SLC16A9: variants seen among roughly 807,000 people sequenced by gnomAD.
The protein encoded by SLC16A9 is solute carrier family 16 member 9, also known as monocarboxylate transporter 9.
A neutral mutation model predicts 44.3 loss-of-function variants in SLC16A9; 26 were observed. That is an observed-to-expected ratio of 0.59 (90% confidence interval 0.43 to 0.81). SLC16A9 has a LOEUF of 0.81. SLC16A9 is among the 40% of genes least tolerant of loss of function. The pLI, the probability that SLC16A9 is intolerant of heterozygous loss-of-function variation, is 0.00. For missense variants in SLC16A9, 559 were observed against 595.8 expected, an observed-to-expected ratio of 0.94 and a Z score of 0.64; for synonymous variants, 230 against 225.1, an observed-to-expected ratio of 1.02 and a Z score of -0.19.
intron 1 of SLC16A9, among the ~76,000 whole-genome samples, chr10:59,687,011 G>A (rs1840149795): frequency 6.6e-6 from 1 of 152,168 alleles, no homozygotes; most frequent in South Asian, 2.1e-4. Flanking sequence ...AGGTTCAAGC[G>A]ATTCTCCTGC....
intron 1 of SLC16A9, among the ~76,000 whole-genome samples, chr10:59,702,969 C>T (rs1445350967): frequency 6.6e-6 from 1 of 152,184 alleles, no homozygotes; most frequent in East Asian, 1.9e-4. Context: ...ATAAATACCC[C>T]TCATCCAAGT....
chr10:59,700,782 G>A (rs1840505264), intron 1 of SLC16A9, among the ~76,000 whole-genome samples: 1 of 152,218 alleles, frequency 6.6e-6, no homozygotes, highest in East Asian at 1.9e-4. Flanking sequence ...ACAATAAAAA[G>A]TGTTTCACTA....
intron 1 of SLC16A9, among the ~76,000 whole-genome samples, chr10:59,691,282 CAG>C (rs1370096282): frequency 1.3e-5 from 2 of 152,066 alleles, no homozygotes; most frequent in African/African-American, 4.8e-5. Flanking sequence ...CTCCTTCAAC[CAG>C]AGTGTTAACA....
intron 1 of SLC16A9, among the ~76,000 whole-genome samples, chr10:59,699,917 C>CAA (rs1840484936): frequency 6.6e-6 from 1 of 151,614 alleles, no homozygotes; most frequent in Non-Finnish European, 1.5e-5. Context: ...CACACACACA[C>CAA]ACACACACAC....
chr10:59,688,677 G>A (rs1840186469), intron 1 of SLC16A9, among the ~76,000 whole-genome samples: 1 of 151,358 alleles, frequency 6.6e-6, no homozygotes, highest in Non-Finnish European at 1.5e-5. Flanking sequence ...AGAAAATATT[G>A]TCTGAACTCC....
rs751166706 is a variant in SLC16A9 at position 59,672,778 on chromosome 10, A to C, written c.332T>G (p.Ile111Ser). Residue 111 changes from isoleucine to serine, a missense_variant, in exon 3 of 6, where the codon ATT (isoleucine) becomes AGT (serine). By Grantham distance (142) the Ile-to-Ser change is moderately radical. Transcript: ENST00000395348. ...NIYFLFFSYG[I>S]VVGLGCGLLY... ...GTGACGAGGTTCCTTACCTACAACA[A>C]TGCCATAGGAAAAAAACAGAAAGTA... The C allele has an allele frequency of 1.9e-6, 3 of 1,613,040 alleles. No homozygotes were observed. Among genetic ancestry groups the C allele is most frequent in the Non-Finnish European group, 2.5e-6 (3 of 1,179,638 alleles).
rs180946385 is a variant in SLC16A9, at chr10:59,660,519, A to G, written c.436+3708T>C. On this transcript the variant is annotated intron_variant, in intron 4 of 5. Coordinates refer to ENST00000395348, the MANE Select transcript of SLC16A9 (RefSeq NM_194298.3). ...TTGAGGCAGTGATTAATAGCCTACC[A>G]ACCCAAAAAAATGCCCATGACCAGG... is the stretch of plus-strand genomic sequence containing the variant. Among the ~76,000 whole-genome samples, 63 of 152,314 alleles carry G rather than the reference A, an allele frequency of 4.1e-4. 1 individual carries two copies. In the East Asian group the frequency reaches 9.3e-3, roughly 22 times the overall value.
chr10:59,672,669 C>A, intron 3 of SLC16A9, 101 bp downstream of exon 3: 2 of 1,170,520 alleles, frequency 1.7e-6, no homozygotes, highest in East Asian at 2.7e-5. Flanking sequence ...TATTAGTGAG[C>A]ATTTTCACTC....
Position 59,652,704 on chromosome 10 carries a change from T to G in SLC16A9, c.*68A>C. ...TAGTCTTGACTCTAGAAAATTTGCT[T>G]GAGAATCTGTTAAAATATCGTTGCT... On this transcript the variant is annotated 3_prime_UTR_variant, in exon 6 of 6. Coordinates refer to ENST00000395348, the MANE Select transcript of SLC16A9 (RefSeq NM_194298.3). 3.3e-5 allele frequency: 46 copies of G among 1,411,058 alleles called. No homozygotes were observed. Among genetic ancestry groups the G allele is most frequent in the Non-Finnish European group, 3.9e-5 (41 of 1,056,210 alleles). 87.4% of individuals were successfully genotyped at this position (1,411,058 alleles called of 1,614,324 possible). A position where few individuals can be genotyped will look rare whatever the true frequency, so the allele number is the denominator to read the frequency against.
chr10:59,653,557 G>A (rs1463763621), intron 5 of SLC16A9, 118 bp downstream of exon 5: 5 of 769,968 alleles, frequency 6.5e-6, no homozygotes, highest in Admixed American at 5.6e-5. Flanking sequence ...ACCATGAGAT[G>A]TTCCATGCAG....
Position 59,684,204 on chromosome 10 carries a change from G to A in SLC16A9, c.88C>T (p.Pro30Ser). Reference sequence around the variant, plus strand: ...ATGTACAGGACTCCAACAGCTAGTGGGGATCCGTAACACAAAAACTGAGTA... The same window carrying A: ...ATGTACAGGACTCCAACAGCTAGTGAGGATCCGTAACACAAAAACTGAGTA... ...FLTQFLCYGS[P>S]LAVGVLYIEW... The change falls in exon 2 of 6, where the codon CCA (proline) becomes TCA (serine). Residue 30 changes from proline to serine, a missense_variant. By Grantham distance (74) the Pro-to-Ser change is moderately conservative (BLOSUM62 -1). Coordinates refer to ENST00000395348, the MANE Select transcript of SLC16A9 (RefSeq NM_194298.3). The A allele has an allele frequency of 1.2e-6, 2 of 1,613,986 alleles. No homozygotes were observed. The highest frequency in any genetic ancestry group is 1.7e-6 in the Non-Finnish European group (2 of 1,179,990).
chr10:59,673,002 A>C, intron 2 of SLC16A9, 89 bp from the exon 3 acceptor site: 2 of 1,250,884 alleles, frequency 1.6e-6, no homozygotes, highest in Non-Finnish European at 2.2e-6. Flanking sequence ...AAACAACAAA[A>C]ATAAAATGCA....
intron 4 of SLC16A9, 41 bp downstream of exon 4, chr10:59,664,186 G>A: frequency 1.4e-6 from 2 of 1,408,064 alleles, no homozygotes; most frequent in Non-Finnish European, 2.0e-6. Context: ...TTGTTTAGAA[G>A]ACTGAATGGT....
chr10:59,663,689 G>A (rs1406080820), intron 4 of SLC16A9, among the ~76,000 whole-genome samples: 3 of 151,974 alleles, frequency 2.0e-5, no homozygotes, highest in Admixed American at 6.6e-5. Flanking sequence ...GCAAACCACC[G>A]TGGCACATGT....
At chr10:59,691,899 G>A (rs1378233229) in intron 1 of SLC16A9, among the ~76,000 whole-genome samples, 1 of 152,130 alleles carries the variant, frequency 6.6e-6, no homozygotes, top group Non-Finnish European at 1.5e-5. Context: ...GTATACATAT[G>A]CACTATACTA....
chr10:59,686,636 A>G (rs1840140189), intron 1 of SLC16A9, among the ~76,000 whole-genome samples: 1 of 152,132 alleles, frequency 6.6e-6, no homozygotes, highest in South Asian at 2.1e-4. Context: ...TTTACATCCC[A>G]CTTCCTTACA....
chr10:59,669,923 A>G (rs1378075367), intron 3 of SLC16A9, among the ~76,000 whole-genome samples: 2 of 152,246 alleles, frequency 1.3e-5, no homozygotes, highest in Non-Finnish European at 2.9e-5. Context: ...ACAGGTTTTC[A>G]TTTGAGCTAC....
At chr10:59,681,041 T>C (rs1049982984) in intron 2 of SLC16A9, among the ~76,000 whole-genome samples, 1 of 151,696 alleles carries the variant, frequency 6.6e-6, no homozygotes, top group African/African-American at 2.4e-5. Flanking sequence ...ATGGACCAAA[T>C]GAATTAGACT....
intron 1 of SLC16A9, among the ~76,000 whole-genome samples, chr10:59,684,843 G>A (rs545852800): frequency 1.4e-4 from 22 of 152,314 alleles, no homozygotes; most frequent in African/African-American, 5.1e-4. Flanking sequence ...GCTGGGTGCT[G>A]GGAGCTGCCC....
Sources: allele counts gnomAD v4.1 joint callset (sites outside exome capture counted in the v4.1 genomes callset), GRCh38; gene constraint gnomAD v4.1.1; transcripts MANE v1.5; gene names NCBI Gene and HGNC (gene_info 2026-07-23, HGNC 2026-07-21).